The following RALGDS variants were observed in gnomAD, a reference collection of about 807,000 sequenced individuals.
The protein encoded by RALGDS is ral guanine nucleotide exchange factor.
In RALGDS, 44 loss-of-function variants were observed where a neutral mutation model predicts 99.8. The ratio of observed to expected loss-of-function variants is 0.44; its 90% CI spans 0.35 to 0.57. RALGDS has a LOEUF of 0.57. Ranked by LOEUF, RALGDS falls within the 20% of genes least tolerant of loss-of-function variation. The probability of loss-of-function intolerance (pLI) is 0.01; values close to 1 mark genes in which losing one functional copy is unlikely to be tolerated. For missense variants in RALGDS, 1,022 were observed against 1,203.1 expected (o/e 0.85, Z 2.23); for synonymous variants, 529 against 505.0 (o/e 1.05, Z -0.64).
chr9:133,143,512 T>C (rs1042985692), intron 1 of RALGDS, among the ~76,000 whole-genome samples: 1 of 151,978 alleles, frequency 6.6e-6, no homozygotes, highest in African/African-American at 2.4e-5. Flanking sequence ...CCTAGCAGTT[T>C]GGGAGGCCGA....
upstream of RALGDS, among the ~76,000 whole-genome samples, chr9:133,131,462 C>T (rs117993921): frequency 0.012 from 1,826 of 152,172 alleles, 16 homozygotes; most frequent in Non-Finnish European, 0.019. Flanking sequence ...GCCCACAGCC[C>T]CCTCCTACTA....
intron 1 of RALGDS, among the ~76,000 whole-genome samples, chr9:133,127,645 G>C (rs1479021021): frequency 6.6e-6 from 1 of 152,338 alleles, no homozygotes; most frequent in African/African-American, 2.4e-5. Flanking sequence ...GGAACTCCCG[G>C]CACAGCGGGC....
rs1394757801 is a variant in RALGDS, at chr9:133,100,551, C to T, written c.2455-169G>A. The T allele has an allele frequency of 4.7e-6, 7 of 1,487,746 alleles. No individual in the cohort carries two copies. In the Admixed American group the frequency reaches 8.6e-5, roughly 18 times the overall value. The allele number at this position is 1,487,746 out of a possible 1,614,324, so 92.2% of individuals were successfully genotyped here. Reference sequence around the variant, plus strand: ...GGCCTTGTCACATTCTCCTACTCCCCAAGTGAGGCCTCCGTCCTTCTGTTC... The same window carrying T: ...GGCCTTGTCACATTCTCCTACTCCCTAAGTGAGGCCTCCGTCCTTCTGTTC... On this transcript the variant is annotated intron_variant, in intron 16 of 17. Transcript: ENST00000372050.
chr9:133,143,980 T>A, intron 1 of RALGDS, among the ~76,000 whole-genome samples: 1 of 151,930 alleles, frequency 6.6e-6, no homozygotes, highest in East Asian at 1.9e-4. Context: ...CAAAGGCGCC[T>A]CTGAGGGGCT....
At position 133,098,371 on chromosome 9, in the gene RALGDS, A is replaced by T; in HGVS notation, c.*216T>A. ...AAGTCAGCTAGTCCTCTGGTTCCAGAGAGCAGAAGGCACCTAAGGCAGCGA... is the reference window on the plus strand; with the variant it reads ...AAGTCAGCTAGTCCTCTGGTTCCAGTGAGCAGAAGGCACCTAAGGCAGCGA... On this transcript the variant is annotated 3_prime_UTR_variant, in exon 18 of 18. Coordinates refer to ENST00000372050, the MANE Select transcript of RALGDS (RefSeq NM_006266.4). 1.7e-6 allele frequency: 1 copy of T among 589,600 alleles called. No homozygotes were observed. Among genetic ancestry groups the T allele is most frequent in the Non-Finnish European group, 3.0e-6 (1 of 331,064 alleles). The allele number at this position is 589,600 out of a possible 1,614,324, so 36.5% of individuals were successfully genotyped here. A position where few individuals can be genotyped will look rare whatever the true frequency, so the allele number is the denominator to read the frequency against.
In RALGDS at chr9:133,100,304, C is replaced by T. The variant is rs760843215; in HGVS notation, c.2533G>A (p.Asp845Asn). 1.9e-6 allele frequency: 3 copies of T among 1,614,226 alleles called. No homozygotes were observed. The highest frequency in any genetic ancestry group is 1.7e-6 in the Non-Finnish European group (2 of 1,180,030). ...GAGAGAATCTGCAGCAGCTCATAGT[C>T]CTCCGGCTCCTCCTCCTCCAGGTTG... ...KHNLEEEEPEDYELLQILSDD... is the reference protein window; with the variant it reads ...KHNLEEEEPENYELLQILSDD... Residue 845 changes from aspartate to asparagine, a missense_variant, in exon 17 of 18, where the codon GAC becomes AAC. This residue lies in a region of RALGDS where 825 missense variants were observed against 994.5 expected (regional missense o/e 0.83). Transcript: ENST00000372050.
At chr9:133,129,481 C>T in intron 1 of RALGDS, 1 of 1,372,552 alleles carries the variant, frequency 7.3e-7, no homozygotes, top group Non-Finnish European at 9.4e-7. Flanking sequence ...CCAGGAATTC[C>T]CGCTTGTACC....
chr9:133,148,572 G>A (rs573891697), intron 1 of RALGDS, among the ~76,000 whole-genome samples: 29 of 152,358 alleles, frequency 1.9e-4, no homozygotes, highest in South Asian at 6.2e-4. Context: ...GTGTGTGTGA[G>A]CATGTATGCG....
At chr9:133,133,422 C>T (rs766671753), upstream of RALGDS, among the ~76,000 whole-genome samples, 44 of 152,350 alleles carry the variant, frequency 2.9e-4, no homozygotes, top group Non-Finnish European at 3.8e-4. Flanking sequence ...CACGTGGTCC[C>T]TGGCCCTGCC....
chr9:133,134,580 C>T (rs1229453314), upstream of RALGDS, among the ~76,000 whole-genome samples: 2 of 152,208 alleles, frequency 1.3e-5, no homozygotes, highest in African/African-American at 4.8e-5. Flanking sequence ...TGCTTGCTTT[C>T]CTCTACTCTG....
At chr9:133,122,051 G>A (rs923499624), upstream of RALGDS, among the ~76,000 whole-genome samples, 1 of 152,244 alleles carries the variant, frequency 6.6e-6, no homozygotes, top group African/African-American at 2.4e-5. Flanking sequence ...CATCTGACAA[G>A]GAGGAAGGCA....
Position 133,116,212 on chromosome 9 carries a change from G to A in RALGDS, c.184-4060C>T, listed in dbSNP as rs149150260. 4.5e-4 allele frequency among the ~76,000 whole-genome samples: 68 copies of A among 152,320 alleles called. No individual in the cohort carries two copies. In the East Asian group the frequency reaches 8.5e-3, roughly 19 times the overall value. On this transcript the variant is annotated intron_variant, in intron 1 of 17. Transcript: ENST00000372050. ...GGTGGACCCAACCCTGATCCCCAGC[G>A]CACAGACAAAGCATCAAGATGACAG... is the stretch of plus-strand genomic sequence containing the variant.
intron 1 of RALGDS, among the ~76,000 whole-genome samples, chr9:133,129,886 G>A (rs1206904964): frequency 6.6e-6 from 1 of 150,546 alleles, no homozygotes; most frequent in Admixed American, 6.7e-5. Context: ...TGCGACCTCG[G>A]CTCACTATAA....
chr9:133,103,428 C>T (rs145826593), intron 11 of RALGDS, among the ~76,000 whole-genome samples, 166 bp from the exon 12 acceptor site: 2 of 152,290 alleles, frequency 1.3e-5, no homozygotes, highest in Non-Finnish European at 2.9e-5. Context: ...CGGGCAGAGG[C>T]TTGGGGACTT....
Position 133,121,219 on chromosome 9 carries a change from G to A in RALGDS, c.-65C>T, listed in dbSNP as rs1180799459. The A allele has an allele frequency of 1.0e-6, 1 of 977,326 alleles. No homozygotes were observed. The highest frequency in any genetic ancestry group is 1.2e-6 in the Non-Finnish European group (1 of 823,826). The allele number at this position is 977,326 out of a possible 1,614,324, so 60.5% of individuals were successfully genotyped here. Reference sequence around the variant, plus strand: ...CGGCGGGGGCGGCGGCGCGGCCCGCGCGGCTGGGCTTTGCCACCGCTGTGA... The same window carrying A: ...CGGCGGGGGCGGCGGCGCGGCCCGCACGGCTGGGCTTTGCCACCGCTGTGA... On this transcript the variant is annotated 5_prime_UTR_variant, in exon 1 of 18. Transcript: ENST00000372050.
At chr9:133,124,253 G>A (rs1041724839), upstream of RALGDS, among the ~76,000 whole-genome samples, 2 of 151,022 alleles carry the variant, frequency 1.3e-5, no homozygotes, top group Middle Eastern at 3.2e-3. Context: ...GACAGACACA[G>A]AGACACAGAC....
At chr9:133,103,321 C>T (rs1426474181) in intron 11 of RALGDS, 59 bp from the exon 12 acceptor site, 3 of 1,601,488 alleles carry the variant, frequency 1.9e-6, no homozygotes, top group African/African-American at 2.7e-5. Flanking sequence ...TACAGTCTCC[C>T]CACCTCATGC....
At chr9:133,103,359 G>A in intron 11 of RALGDS, 97 bp from the exon 12 acceptor site, 21 of 1,463,036 alleles carry the variant, frequency 1.4e-5, no homozygotes, top group Non-Finnish European at 2.0e-5. Context: ...CCACCAGGGG[G>A]CAGGGCACGC....
intron 1 of RALGDS, among the ~76,000 whole-genome samples, chr9:133,129,653 CAG>C (rs1166377300): frequency 6.6e-6 from 1 of 152,118 alleles, no homozygotes; most frequent in Non-Finnish European, 1.5e-5. Context: ...CAAATCAAAA[CAG>C]GGTTCGGTCA....
Sources: allele counts gnomAD v4.1 joint callset (sites outside exome capture counted in the v4.1 genomes callset), GRCh38; gene constraint gnomAD v4.1.1; regional missense constraint gnomAD v4.1.1; transcripts MANE v1.5; gene names NCBI Gene and HGNC (gene_info 2026-07-23, HGNC 2026-07-21).